Variants in NUSAP1 observed in about 807,000 individuals in gnomAD.
The protein encoded by NUSAP1 is nucleolar and spindle associated protein 1.
In NUSAP1, 32 loss-of-function variants were observed where a neutral mutation model predicts 52.8. The observed-to-expected ratio is 0.61, with a 90% CI of 0.46 to 0.81. The LOEUF (loss-of-function observed/expected upper bound fraction) is 0.81, where lower values mean the gene tolerates loss of function less well. NUSAP1 is among the 40% of genes least tolerant of loss of function. The pLI, the probability that NUSAP1 is intolerant of heterozygous loss-of-function variation, is 0.00. For synonymous variants in NUSAP1, 195 were observed against 183.1 expected, an observed-to-expected ratio of 1.06 and a Z score of -0.52; for missense variants, 499 against 522.3, an observed-to-expected ratio of 0.96 and a Z score of 0.43.
intron 10 of NUSAP1, among the ~76,000 whole-genome samples, chr15:41,378,572 T>C (rs1334852995): frequency 2.6e-5 from 4 of 152,078 alleles, no homozygotes; most frequent in South Asian, 2.1e-4. Flanking sequence ...GATCACGATG[T>C]CAGGAGTTGA....
chr15:41,375,950 C>G, intron 9 of NUSAP1, 122 bp downstream of exon 9: 1 of 641,154 alleles, frequency 1.6e-6, no homozygotes, highest in Non-Finnish European at 2.8e-6. Flanking sequence ...CCTGTAATCC[C>G]AGATACTTAG....
chr15:41,360,209 G>T (rs2049120962), intron 6 of NUSAP1, among the ~76,000 whole-genome samples: 1 of 151,738 alleles, frequency 6.6e-6, no homozygotes, highest in Admixed American at 6.6e-5. Flanking sequence ...CACAATATTG[G>T]CTCATTGCAA....
Position 41,365,582 on chromosome 15 carries a change from G to A in NUSAP1, c.841G>A (p.Gly281Ser). The change falls in exon 7 of 11, where the codon GGT (glycine) becomes AGT (serine). Residue 281 changes from glycine to serine, a missense_variant. Physicochemically the swap from Gly to Ser is moderately conservative, Grantham distance 56. Transcript: ENST00000559596. ...KRSAISAAKT[G>S]VRFSAATKDN... ...CTCTGCTATCTCTGCAGCTAAAACG[G>A]GTGTCAGGTAAAGAAATCACTCCAA... is the stretch of plus-strand genomic sequence containing the variant. 1 of 1,589,574 alleles carries A rather than the reference G, an allele frequency of 6.3e-7. No individual in the cohort carries two copies. Among genetic ancestry groups the A allele is most frequent in the Non-Finnish European group, 8.6e-7 (1 of 1,163,720 alleles).
At chr15:41,356,188 G>C in intron 5 of NUSAP1, 48 bp downstream of exon 5, 1 of 1,057,420 alleles carries the variant, frequency 9.5e-7, no homozygotes, top group Non-Finnish European at 1.4e-6. Context: ...GCCCCACTTC[G>C]GAATGATGTT....
In NUSAP1 at chr15:41,349,213, A is replaced by T; in HGVS notation, c.278A>T (p.Lys93Met). ...GHVTKTRRRC[K>M]TVRVDPDSQQ... ...GTCACCAAAACAAGGAGAAGGTGCA[A>T]GACTGTCCGTGTGGACCCTGACTCA... Residue 93 changes from lysine (K) to methionine (M), a missense_variant, in exon 3 of 11, where the codon AAG becomes ATG. By Grantham distance (95) the Lys-to-Met change is moderately conservative. Transcript: ENST00000559596. The T allele has an allele frequency of 6.2e-7, 1 of 1,613,942 alleles. No homozygotes were observed. Among genetic ancestry groups the T allele is most frequent in the Non-Finnish European group, 8.5e-7 (1 of 1,179,844 alleles).
chr15:41,336,312 A>G (rs1367374057), intron 1 of NUSAP1, among the ~76,000 whole-genome samples: 1 of 150,908 alleles, frequency 6.6e-6, no homozygotes, highest in East Asian at 1.9e-4. Flanking sequence ...ATAGGAGATA[A>G]TATTCCCTCT....
At chr15:41,371,705 A>G in intron 8 of NUSAP1, 21 bp downstream of exon 8, 7 of 1,571,320 alleles carry the variant, frequency 4.5e-6, no homozygotes, top group Non-Finnish European at 6.0e-6. Flanking sequence ...AAAAAAACAA[A>G]AGAAATCTGT....
intron 7 of NUSAP1, among the ~76,000 whole-genome samples, chr15:41,367,956 C>T (rs1292278408): frequency 6.6e-6 from 1 of 152,146 alleles, no homozygotes; most frequent in Non-Finnish European, 1.5e-5. Context: ...TCTGTGGTGG[C>T]TCCCACCTGT....
chr15:41,366,023 A>T (rs2140778354), intron 7 of NUSAP1, among the ~76,000 whole-genome samples: 1 of 151,320 alleles, frequency 6.6e-6, no homozygotes, highest in South Asian at 2.1e-4. Context: ...CCCGGCCCAT[A>T]GTGATGTTTC....
At chr15:41,377,802 C>A (rs776167049) in intron 10 of NUSAP1, among the ~76,000 whole-genome samples, 1 of 150,456 alleles carries the variant, frequency 6.6e-6, no homozygotes, top group Non-Finnish European at 1.5e-5. Flanking sequence ...CAGATCGAGA[C>A]CATCCTGGCT....
intron 3 of NUSAP1, among the ~76,000 whole-genome samples, chr15:41,349,946 T>C (rs1032824124): frequency 2.0e-5 from 3 of 152,014 alleles, no homozygotes; most frequent in Non-Finnish European, 2.9e-5. Context: ...TTTGTATTTT[T>C]AGTAGAGACG....
intron 4 of NUSAP1, among the ~76,000 whole-genome samples, chr15:41,353,560 A>G (rs1272717692): frequency 6.6e-6 from 1 of 152,148 alleles, no homozygotes; most frequent in African/African-American, 2.4e-5. Flanking sequence ...TTACGGATAC[A>G]TTGGGGAAAC....
chr15:41,355,655 C>T (rs576399063), intron 4 of NUSAP1, among the ~76,000 whole-genome samples: 8 of 125,752 alleles, frequency 6.4e-5, no homozygotes, highest in African/African-American at 2.5e-4. Context: ...AACTTACACA[C>T]GTTTTTTTTT....
At chr15:41,352,641 C>A (rs1039843317) in intron 4 of NUSAP1, among the ~76,000 whole-genome samples, 1 of 151,686 alleles carries the variant, frequency 6.6e-6, no homozygotes, top group African/African-American at 2.4e-5. Context: ...CAGGCTAGAG[C>A]ACAGTGGCAC....
chr15:41,373,663 T>A (rs995065530), intron 8 of NUSAP1, among the ~76,000 whole-genome samples: 1 of 151,852 alleles, frequency 6.6e-6, no homozygotes, highest in African/African-American at 2.4e-5. Context: ...TTGGCCAGGT[T>A]GGTCTTGAAC....
rs1288974279 is a variant in NUSAP1 at position 41,366,589 on chromosome 15, G to A, written c.848+1000G>A. On this transcript the variant is annotated intron_variant, in intron 7 of 10. Transcript: ENST00000559596. Reference sequence around the variant, plus strand: ...GAGCCACCGCGCCTGGCCGCACCCAGGTATATGTACCTCTTAAATTTCTCA... The same window carrying A: ...GAGCCACCGCGCCTGGCCGCACCCAAGTATATGTACCTCTTAAATTTCTCA... Among the ~76,000 whole-genome samples the A allele has an allele frequency of 2.0e-5, 3 of 152,014 alleles. No individual in the cohort carries two copies. In the South Asian group the frequency reaches 6.2e-4, roughly 31 times the overall value.
intron 1 of NUSAP1, 52 bp from the exon 2 acceptor site, chr15:41,342,334 A>G (rs1428442808): frequency 8.1e-7 from 1 of 1,228,134 alleles, no homozygotes; most frequent in Non-Finnish European, 1.2e-6. Flanking sequence ...TATTCAACGT[A>G]TCTTCCTTGT....
intron 1 of NUSAP1, among the ~76,000 whole-genome samples, chr15:41,341,623 C>T (rs1390777366): frequency 1.3e-5 from 2 of 152,170 alleles, no homozygotes; most frequent in Admixed American, 6.6e-5. Context: ...CTCTCATGTT[C>T]ACACTGATTT....
At chr15:41,361,266 G>A (rs1168763758) in intron 6 of NUSAP1, among the ~76,000 whole-genome samples, 1 of 151,840 alleles carries the variant, frequency 6.6e-6, no homozygotes, top group Non-Finnish European at 1.5e-5. Context: ...GGTGGCGCAT[G>A]TCTGTAATCC....
Sources: gnomAD v4.1 joint callset for allele counts (sites outside exome capture counted in the v4.1 genomes callset) on GRCh38, gnomAD v4.1.1 for gene constraint, MANE v1.5 for transcripts, NCBI Gene and HGNC (gene_info 2026-07-23, HGNC 2026-07-21) for gene names.